Variants in DLGAP2 observed in about 807,000 individuals in gnomAD.
The protein encoded by DLGAP2 is disks large-associated protein 2.
Under a neutral mutation model 100.3 loss-of-function variants are expected in DLGAP2, and 26 were observed. The observed-to-expected ratio is 0.26, with a 90% CI of 0.19 to 0.36. The LOEUF is 0.36. Among genes scored for constraint, DLGAP2 ranks in the 10% least tolerant of loss-of-function variants. The pLI, the probability that DLGAP2 is intolerant of heterozygous loss-of-function variation, is 1.00. For missense variants in DLGAP2, 1,858 were observed against 1,453.2 expected, an observed-to-expected ratio of 1.28 and a Z score of -4.53; for synonymous variants, 886 against 630.1, an observed-to-expected ratio of 1.41 and a Z score of -6.08.
At chr8:1,151,799 C>G (rs941701351) in intron 2 of DLGAP2, among the ~76,000 whole-genome samples, 1 of 152,202 alleles carries the variant, frequency 6.6e-6, no homozygotes, top group African/African-American at 2.4e-5. Context: ...ACTCTTTGTA[C>G]TGTTGCAGTC....
chr8:1,265,985 A>G lies in DLGAP2; in HGVS notation c.106+7102A>G, dbSNP rs1018942481. 7.2e-5 allele frequency among the ~76,000 whole-genome samples: 11 copies of G among 152,240 alleles called. No homozygotes were observed. The East Asian group carries it at 2.1e-3, about 29-fold the overall frequency. ...CTCCAAGAAGCTATAAGAACCATCT[A>G]CTTTATAATAGATTCAAGATATGCA... On this transcript the variant is annotated intron_variant, in intron 3 of 14. Coordinates refer to ENST00000637795, the MANE Select transcript of DLGAP2 (RefSeq NM_001346810.2).
chr8:1,456,721 C>T (rs2130134129), intron 3 of DLGAP2, among the ~76,000 whole-genome samples: 1 of 36,772 alleles, frequency 2.7e-5, no homozygotes, highest in East Asian at 7.4e-4. Flanking sequence ...CCAGCAAACG[C>T]TGAAGGCCCC....
chr8:872,392 G>A (rs977830399), intron 1 of DLGAP2, among the ~76,000 whole-genome samples: 6 of 146,766 alleles, frequency 4.1e-5, no homozygotes, highest in Admixed American at 7.2e-5. Flanking sequence ...GGAGTACAAC[G>A]GCGCGATCTC....
intron 3 of DLGAP2, among the ~76,000 whole-genome samples, chr8:1,416,496 C>T (rs750195906): frequency 6.6e-6 from 1 of 152,224 alleles, no homozygotes; most frequent in Non-Finnish European, 1.5e-5. Context: ...CTCCTGTTTC[C>T]TAAGTGAGGA....
chr8:1,335,676 C>G (rs1001483324), intron 3 of DLGAP2, among the ~76,000 whole-genome samples: 5 of 152,132 alleles, frequency 3.3e-5, no homozygotes, highest in African/African-American at 9.7e-5. Context: ...AAGTCGAGAG[C>G]AATCCAGGAA....
intron 4 of DLGAP2, among the ~76,000 whole-genome samples, chr8:1,540,517 T>G (rs1283515895): frequency 1.3e-5 from 2 of 152,312 alleles, no homozygotes; most frequent in Non-Finnish European, 2.9e-5. Flanking sequence ...TCTGTAATTC[T>G]ATGACCTCAT....
Position 1,430,019 on chromosome 8 carries a change from TATATATATAC to T in DLGAP2, c.107-71345_107-71336del, listed in dbSNP as rs1797376185. Among the ~76,000 whole-genome samples, 9 of 93,548 alleles carry T rather than the reference TATATATATAC, an allele frequency of 9.6e-5. 1 individual carries two copies. The South Asian group carries it at 1.9e-3, about 20-fold the overall frequency. 61.4% of individuals were successfully genotyped at this position (93,548 alleles called of 152,430 possible). A position where few individuals can be genotyped will look rare whatever the true frequency, so the allele number is the denominator to read the frequency against. ...ATGCATATATATACATATATATATA[TATATATATAC>T]ACACACACACATATGAACTTAGAAT... On this transcript the variant is annotated intron_variant, in intron 3 of 14. Transcript: ENST00000637795.
chr8:1,201,111 G>A (rs1797863518), intron 2 of DLGAP2, among the ~76,000 whole-genome samples: 2 of 152,192 alleles, frequency 1.3e-5, no homozygotes, highest in African/African-American at 2.4e-5. Flanking sequence ...CCCCGTCCCC[G>A]AGGCCTGGAG....
At chr8:1,193,175 T>G (rs1212111128) in intron 2 of DLGAP2, among the ~76,000 whole-genome samples, 1 of 152,226 alleles carries the variant, frequency 6.6e-6, no homozygotes, top group African/African-American at 2.4e-5. Flanking sequence ...TATAATCCTT[T>G]GGGTATATAA....
At chr8:1,008,978 G>T (rs1036712190) in intron 2 of DLGAP2, among the ~76,000 whole-genome samples, 5 of 152,250 alleles carry the variant, frequency 3.3e-5, no homozygotes, top group Non-Finnish European at 7.3e-5. Context: ...GAATCGCACT[G>T]CCATGGCCAG....
chr8:1,602,094 C>A (rs889943427), intron 6 of DLGAP2, among the ~76,000 whole-genome samples: 3 of 152,012 alleles, frequency 2.0e-5, no homozygotes, highest in African/African-American at 7.3e-5. Flanking sequence ...AAGCACTCAG[C>A]CCACACTTGT....
intron 3 of DLGAP2, among the ~76,000 whole-genome samples, chr8:1,332,907 G>A (rs1397276391): frequency 6.6e-6 from 1 of 152,144 alleles, no homozygotes; most frequent in Non-Finnish European, 1.5e-5. Context: ...CTGGGAGTGG[G>A]ACCACTTGCT....
At chr8:1,149,875 A>C (rs1585103931) in intron 2 of DLGAP2, among the ~76,000 whole-genome samples, 1 of 152,186 alleles carries the variant, frequency 6.6e-6, no homozygotes, top group East Asian at 1.9e-4. Flanking sequence ...AGAAACTCAG[A>C]CCGATGGGTG....
intron 1 of DLGAP2, among the ~76,000 whole-genome samples, chr8:859,965 T>C (rs955254501): frequency 6.6e-6 from 1 of 152,152 alleles, no homozygotes; most frequent in Non-Finnish European, 1.5e-5. Flanking sequence ...TGTTTGTTTG[T>C]TTGTTTTTGG....
At chr8:1,296,253 T>G (rs1800170351) in intron 3 of DLGAP2, 1 of 151,926 alleles carries the variant, frequency 6.6e-6, no homozygotes, top group Non-Finnish European at 1.5e-5. Flanking sequence ...AGCACTCTTG[T>G]TGAATAGATA....
At chr8:1,271,157 A>G (rs996383190) in intron 3 of DLGAP2, among the ~76,000 whole-genome samples, 1 of 152,202 alleles carries the variant, frequency 6.6e-6, no homozygotes, top group African/African-American at 2.4e-5. Flanking sequence ...TAAACCCACA[A>G]AAAAGAAAAC....
intron 3 of DLGAP2, among the ~76,000 whole-genome samples, chr8:1,310,347 T>C (rs1800586127): frequency 6.6e-6 from 1 of 151,970 alleles, no homozygotes; most frequent in African/African-American, 2.4e-5. Context: ...TGTACCAAAA[T>C]CAAAAACAGA....
intron 2 of DLGAP2, among the ~76,000 whole-genome samples, chr8:1,236,218 G>A (rs1376390070): frequency 1.8e-4 from 14 of 78,586 alleles, no homozygotes; most frequent in South Asian, 5.1e-4. Context: ...ACATGGCGCC[G>A]TGTCTAGTTC....
At chr8:917,739 C>G (rs1368400117) in intron 2 of DLGAP2, among the ~76,000 whole-genome samples, 1 of 152,136 alleles carries the variant, frequency 6.6e-6, no homozygotes, top group Non-Finnish European at 1.5e-5. Flanking sequence ...TGCCACCACG[C>G]CTGGCTGATT....
Sources: gnomAD v4.1 joint callset for allele counts (sites outside exome capture counted in the v4.1 genomes callset) on GRCh38, gnomAD v4.1.1 for gene constraint, MANE v1.5 for transcripts, NCBI Gene and HGNC (gene_info 2026-07-23, HGNC 2026-07-21) for gene names.